The following TUBGCP6 variants were observed in gnomAD, a reference collection of about 807,000 sequenced individuals.
TUBGCP6 encodes the protein gamma-tubulin complex component 6.
TUBGCP6 carries 161 observed loss-of-function variants against 175.8 expected under a neutral mutation model. That is an observed-to-expected ratio of 0.92 (90% CI 0.81 to 1.04). TUBGCP6 has a LOEUF of 1.04. Among genes scored for constraint, TUBGCP6 ranks in the 50% least tolerant of loss-of-function variants. The pLI is 0.00. For missense variants in TUBGCP6, 2,572 were observed against 2,433.0 expected (o/e 1.06, Z -1.20); for synonymous variants, 1,173 against 1,030.5 (o/e 1.14, Z -2.65).
chr22:50,219,879 G>C, intron 17 of TUBGCP6, 78 bp downstream of exon 17: 1 of 1,604,066 alleles, frequency 6.2e-7, no homozygotes, highest in Admixed American at 1.7e-5. Context: ...ATCGCATGTG[G>C]GACCCACCCG....
At chr22:50,223,571 G>C (rs186893961) in intron 13 of TUBGCP6, 1 of 153,408 alleles carries the variant, frequency 6.5e-6, no homozygotes, top group Non-Finnish European at 1.5e-5. Flanking sequence ...CTGAGGTCAG[G>C]AGTTTGAGAC....
chr22:50,235,545 C>A (rs1317277355), intron 2 of TUBGCP6, among the ~76,000 whole-genome samples: 1 of 152,164 alleles, frequency 6.6e-6, no homozygotes, highest in South Asian at 2.1e-4. Flanking sequence ...ACTGTCTCCA[C>A]AGGGACGGCG....
In TUBGCP6 at chr22:50,244,698, A is replaced by C. The variant is rs1019288776; in HGVS notation, c.-239T>G. ...GCTGCCCGGCGCCCGGCAGCCCACC[A>C]GAAGCCAGCTCGGCGTTTCTTCTAA... On this transcript the variant is annotated 5_prime_UTR_variant, in exon 1 of 25. Coordinates refer to ENST00000248846, the MANE Select transcript of TUBGCP6 (RefSeq NM_020461.4). 3.8e-4 allele frequency: 214 copies of C among 568,148 alleles called. No individual in the cohort carries two copies. The Middle Eastern group carries it at 6.8e-3, about 18-fold the overall frequency. 35.2% of individuals were successfully genotyped at this position (568,148 alleles called of 1,614,324 possible).
rs1394789050 is a variant in TUBGCP6, at chr22:50,219,417, G to A, written c.4355C>T (p.Pro1452Leu). The stretch of plus-strand genomic sequence containing the variant: ...GTCCACGGGGAAGGCGAAGGCCCGG[G>A]GAAGCACGGGGCGCAAAAGATGAGC... ...PIAHLLRPVL[P>L]RAFAFPVDPQ... Residue 1452 changes from proline (P) to leucine (L), a missense_variant, in exon 19 of 25, where the codon CCC becomes CTC. By Grantham distance (98) the Pro-to-Leu change is moderately conservative (BLOSUM62 -3). Transcript: ENST00000248846. 2.5e-6 allele frequency: 4 copies of A among 1,569,332 alleles called. No homozygotes were observed. The highest frequency in any genetic ancestry group is 1.2e-5 in the South Asian group (1 of 86,312).
intron 4 of TUBGCP6, among the ~76,000 whole-genome samples, chr22:50,229,025 G>A (rs976338861): frequency 3.9e-5 from 6 of 152,106 alleles, no homozygotes; most frequent in African/African-American, 9.7e-5. Context: ...AGAACTCCCA[G>A]CAATGTAAAT....
chr22:50,225,416 T>C (rs2064590490), intron 10 of TUBGCP6, among the ~76,000 whole-genome samples: 1 of 152,128 alleles, frequency 6.6e-6, no homozygotes, highest in Non-Finnish European at 1.5e-5. Flanking sequence ...GAAGGCCATC[T>C]GGAGTGCAGC....
At position 50,221,339 on chromosome 22, in the gene TUBGCP6, T is replaced by C. The variant is rs905310246; in HGVS notation, c.3020A>G (p.His1007Arg). Reference sequence around the variant, plus strand: ...CTCCAGAGCAGCACGCCTGGGTGGGTGTGAGGGGAGCAGAGTCTCCCGCGA... The same window carrying C: ...CTCCAGAGCAGCACGCCTGGGTGGGCGTGAGGGGAGCAGAGTCTCCCGCGA... ...SASRETLLPS[H>R]PPRRAALEEG... Residue 1007 changes from histidine (H) to arginine (R), a missense_variant, in exon 16 of 25, where the codon CAC becomes CGC. Physicochemically the swap from His to Arg is conservative, Grantham distance 29. Transcript: ENST00000248846. 17 of 1,612,696 alleles carry C rather than the reference T, an allele frequency of 1.1e-5. No homozygotes were observed. Among genetic ancestry groups the C allele is most frequent in the African/African-American group, 1.3e-5 (1 of 74,882 alleles).
At chr22:50,239,623 T>C (rs75841627) in intron 2 of TUBGCP6, among the ~76,000 whole-genome samples, 3,631 of 152,274 alleles carry the variant, frequency 0.024, 92 homozygotes, top group East Asian at 0.12. Context: ...AAGCTGCTGG[T>C]ACCAGTCAGG....
intron 18 of TUBGCP6, 89 bp from the exon 19 acceptor site, chr22:50,219,545 T>G (rs548863003): frequency 6.3e-7 from 1 of 1,583,836 alleles, no homozygotes; most frequent in African/African-American, 1.3e-5. Context: ...TGCTGGGAAC[T>G]GGCTAGCCCA....
Position 50,218,316 on chromosome 22 carries a change from G to A in TUBGCP6, c.5041C>T (p.Gln1681Ter). 1.9e-6 allele frequency: 3 copies of A among 1,613,102 alleles called. No individual in the cohort carries two copies. The highest frequency in any genetic ancestry group is 2.5e-6 in the Non-Finnish European group (3 of 1,180,006). Reference protein sequence around the residue: ...HEMQHFVKVIQGYIANQILHV... With the variant: ...HEMQHFVKVI The stretch of plus-strand genomic sequence containing the variant: ...AGGATCTGGTTGGCGATGTAGCCCT[G>A]GATGACCTTCACGAAATGCTGCATC... Residue 1681 changes from glutamine (Q) to a stop codon, truncating the protein, a stop_gained, in exon 23 of 25, where the codon CAG becomes TAG. Transcript: ENST00000248846. LOFTEE classifies it high-confidence loss of function.
rs772438937 is a variant in TUBGCP6 at position 50,233,496 on chromosome 22, C to G, written c.936G>C (p.Leu312=). 3.1e-6 allele frequency: 5 copies of G among 1,609,390 alleles called. No individual in the cohort carries two copies. Among genetic ancestry groups the G allele is most frequent in the Non-Finnish European group, 4.2e-6 (5 of 1,178,146 alleles). ...CPPGHREEPY[L]TEAGRDAFDK... ...CGAAAGCGTCCCTTCCCGCCTCCGT[C>G]AGGTAAGGCTCCTCTCTGTGGCCAG... The change falls in exon 3 of 25, where the codon CTG becomes CTC. Residue 312 remains leucine, a synonymous_variant. Coordinates refer to ENST00000248846, the MANE Select transcript of TUBGCP6 (RefSeq NM_020461.4).
At chr22:50,219,846 C>G in intron 17 of TUBGCP6, 55 bp from the exon 18 acceptor site, 1 of 1,603,570 alleles carries the variant, frequency 6.2e-7, no homozygotes, top group Non-Finnish European at 8.5e-7. Context: ...TCCCCACAAC[C>G]AGCTTGTGCC....
At position 50,233,314 on chromosome 22, in the gene TUBGCP6, A is replaced by G; in HGVS notation, c.1116+2T>C. 2.5e-6 allele frequency: 4 copies of G among 1,611,402 alleles called. No individual in the cohort carries two copies. Among genetic ancestry groups the G allele is most frequent in the Non-Finnish European group, 3.4e-6 (4 of 1,178,702 alleles). On this transcript the variant is annotated splice_donor_variant, in intron 3 of 24. Coordinates refer to ENST00000248846, the MANE Select transcript of TUBGCP6 (RefSeq NM_020461.4). LOFTEE classifies it high-confidence loss of function. ...CTGTGGCGGGGAGTGAGCAGTTCTC[A>G]CCTGGCAGAGCGAAAACGTGGCAGA... is the stretch of plus-strand genomic sequence containing the variant.
At position 50,218,843 on chromosome 22, in the gene TUBGCP6, C is replaced by G. The variant is rs2064464272; in HGVS notation, c.4681G>C (p.Val1561Leu). The change falls in exon 21 of 25, where the codon GTG becomes CTG. Residue 1561 changes from valine (V) to leucine (L), a missense_variant. Transcript: ENST00000248846. The stretch of plus-strand genomic sequence containing the variant: ...CTGCACTGCAGGGCCTTGCTCAGCA[C>G]AGAGTTCAGCACCAGCGGGTTGAGC... The part of the protein sequence containing the change: ...ELLNPLVLNS[V>L]LSKALQCSLH... 1.2e-6 allele frequency: 2 copies of G among 1,614,026 alleles called. No individual in the cohort carries two copies. The highest frequency in any genetic ancestry group is 1.7e-6 in the Non-Finnish European group (2 of 1,180,008).
intron 16 of TUBGCP6, 75 bp downstream of exon 16, chr22:50,220,176 C>T (rs759240453): frequency 9.0e-6 from 14 of 1,548,244 alleles, no homozygotes; most frequent in Non-Finnish European, 1.1e-5. Context: ...TGCCACCAAC[C>T]CCACTGCCCG....
rs758201280 is a variant in TUBGCP6 at position 50,221,870 on chromosome 22, G to A, written c.2489C>T (p.Thr830Met). Residue 830 changes from threonine (T) to methionine (M), a missense_variant, in exon 16 of 25, where the codon ACG becomes ATG. Physicochemically the swap from Thr to Met is moderately conservative, Grantham distance 81. Transcript: ENST00000248846. ...CTCTGGGTGCTCAGGGCCCGGAGAC[G>A]TGACCTGAAACACAGGTGACATCAG... ...DVLLSVHPQV[T>M]SPGPEHPEGG... 173 of 1,513,822 alleles carry A rather than the reference G, an allele frequency of 1.1e-4. No homozygotes were observed. The highest frequency in any genetic ancestry group is 1.3e-4 in the Non-Finnish European group (149 of 1,131,444). The allele number at this position is 1,513,822 out of a possible 1,614,324, so 93.8% of individuals were successfully genotyped here. A position where few individuals can be genotyped will look rare whatever the true frequency, so the allele number is the denominator to read the frequency against.
intron 2 of TUBGCP6, 118 bp downstream of exon 2, chr22:50,240,086 C>CTAACCCATCA: frequency 7.1e-7 from 1 of 1,399,080 alleles, no homozygotes; most frequent in Non-Finnish European, 9.8e-7. Flanking sequence ...GCTTAGGTTA[C>CTAACCCATCA]TAACCCATCA....
At chr22:50,226,626 C>T in intron 7 of TUBGCP6, 107 bp downstream of exon 7, 1 of 1,063,804 alleles carries the variant, frequency 9.4e-7, no homozygotes, top group Non-Finnish European at 1.4e-6. Context: ...CTGCCCTCCC[C>T]TTCCTGTGTG....
intron 13 of TUBGCP6, chr22:50,223,800 A>C (rs74659676): frequency 5.7e-6 from 1 of 175,798 alleles, no homozygotes; most frequent in African/African-American, 2.4e-5. Flanking sequence ...AAAAAAAAAA[A>C]AAACGCCCTG....
Sources: gnomAD v4.1 joint callset for allele counts (sites outside exome capture counted in the v4.1 genomes callset) on GRCh38, gnomAD v4.1.1 for gene constraint, MANE v1.5 for transcripts, NCBI Gene and HGNC (gene_info 2026-07-23, HGNC 2026-07-21) for gene names.